The following MAPK10 variants were observed in gnomAD, a reference collection of about 807,000 sequenced individuals.
MAPK10 encodes JNK3 alpha protein kinase.
A neutral mutation model predicts 59.3 loss-of-function variants in MAPK10; 25 were observed. The observed-to-expected ratio is 0.42, with a 90% CI of 0.31 to 0.59. The LOEUF (loss-of-function observed/expected upper bound fraction) is 0.59. Among genes scored for constraint, MAPK10 ranks in the 20% least tolerant of loss-of-function variants. The pLI, the probability that MAPK10 is intolerant of heterozygous loss-of-function variation, is 0.15. For missense variants in MAPK10, 351 were observed against 568.9 expected, an observed-to-expected ratio of 0.62 and a Z score of 3.90; for synonymous variants, 190 against 200.5, an observed-to-expected ratio of 0.95 and a Z score of 0.44.
chr4:86,239,073 T>C (rs2092513683), intron 2 of MAPK10, among the ~76,000 whole-genome samples: 1 of 152,098 alleles, frequency 6.6e-6, no homozygotes, highest in Admixed American at 6.5e-5. Context: ...TTGAATTTTA[T>C]TAAAGGCCTT....
intron 10 of MAPK10, chr4:86,065,030 G>A (rs986748807): frequency 1.5e-4 from 23 of 151,852 alleles, no homozygotes; most frequent in East Asian, 1.9e-4. Flanking sequence ...CCAGCTTCCC[G>A]AGTAACTGGA....
chr4:86,448,727 C>T (rs1750346798), intron 1 of MAPK10, among the ~76,000 whole-genome samples: 1 of 152,110 alleles, frequency 6.6e-6, no homozygotes, highest in South Asian at 2.1e-4. Flanking sequence ...AGGGAGGTGG[C>T]TTCAGGATGA....
rs879407525 is a variant in MAPK10, at chr4:86,179,489, G to A, written c.66+14847C>T. Among the ~76,000 whole-genome samples, 93 of 151,368 alleles carry A rather than the reference G, an allele frequency of 6.1e-4. 1 individual carries two copies. Among genetic ancestry groups the A allele is most frequent in the Middle Eastern group, 6.8e-3 (2 of 294 alleles). On this transcript the variant is annotated intron_variant, in intron 3 of 13. Transcript: ENST00000641462. ...AAAATACCAACGACATTCTTCCCAG[G>A]AAAAAAAATCCAAAAATTTGTATGG...
chr4:86,022,127 G>C (rs1279791478), intron 13 of MAPK10, among the ~76,000 whole-genome samples: 1 of 152,246 alleles, frequency 6.6e-6, no homozygotes, highest in Non-Finnish European at 1.5e-5. Flanking sequence ...GAGGTGCCGA[G>C]AGCAAGCGAG....
rs552165161 is a variant in MAPK10 at position 86,494,620 on chromosome 4, C to A, written c.-263+99290G>T. On this transcript the variant is annotated intron_variant, in intron 1 of 4. Coordinates refer to the MAPK10 transcript ENST00000502302. Reference sequence around the variant, plus strand: ...CAGCACTTTGGGAGGCTGAGGCGGGCGGATCACGAGGTCAAGAGATTGAGA... The same window carrying A: ...CAGCACTTTGGGAGGCTGAGGCGGGAGGATCACGAGGTCAAGAGATTGAGA... Among the ~76,000 whole-genome samples, 7 of 151,758 alleles carry A rather than the reference C, an allele frequency of 4.6e-5. 1 individual carries two copies. The South Asian group carries it at 1.5e-3, about 32-fold the overall frequency.
At chr4:86,452,117 C>T (rs1750791507) in intron 1 of MAPK10, among the ~76,000 whole-genome samples, 1 of 152,180 alleles carries the variant, frequency 6.6e-6, no homozygotes, top group African/African-American at 2.4e-5. Context: ...TATCTGGCTC[C>T]AGAGTCTGCA....
chr4:86,538,987 T>G (rs1758464144), intron 1 of MAPK10, among the ~76,000 whole-genome samples: 1 of 152,212 alleles, frequency 6.6e-6, no homozygotes, highest in African/African-American at 2.4e-5. Context: ...AAAATCTTTT[T>G]TTAAAAATGC....
intron 4 of MAPK10, among the ~76,000 whole-genome samples, chr4:86,157,669 G>C (rs901805729): frequency 1.3e-5 from 2 of 151,950 alleles, no homozygotes; most frequent in African/African-American, 4.8e-5. Flanking sequence ...AAATTTTGCA[G>C]TATCTATATC....
At chr4:86,378,251 C>T (rs1450619986) in intron 1 of MAPK10, among the ~76,000 whole-genome samples, 2 of 152,172 alleles carry the variant, frequency 1.3e-5, no homozygotes, top group Non-Finnish European at 2.9e-5. Context: ...CCTTCTCTCC[C>T]TCACTGGCCT....
chr4:86,032,509 G>A (rs986119650), intron 11 of MAPK10: 2 of 152,160 alleles, frequency 1.3e-5, no homozygotes, highest in Non-Finnish European at 2.9e-5. Flanking sequence ...AACTAAAAGA[G>A]TCACTCAATA....
At chr4:86,467,095 G>A (rs1287973847) in intron 1 of MAPK10, among the ~76,000 whole-genome samples, 1 of 152,148 alleles carries the variant, frequency 6.6e-6, no homozygotes, top group Non-Finnish European at 1.5e-5. Flanking sequence ...GGAGTTTTAT[G>A]ACCCTGGCGT....
intron 9 of MAPK10, among the ~76,000 whole-genome samples, chr4:86,077,970 G>A (rs921183722): frequency 6.6e-6 from 1 of 152,152 alleles, no homozygotes; most frequent in Admixed American, 6.5e-5. Flanking sequence ...TATGCCATGT[G>A]TTAAGCATCA....
At chr4:86,572,742 G>A (rs894852807) in intron 1 of MAPK10, among the ~76,000 whole-genome samples, 6 of 152,260 alleles carry the variant, frequency 3.9e-5, no homozygotes, top group East Asian at 1.9e-4. Flanking sequence ...ATGCCAAATG[G>A]CTGTGCCATA....
chr4:86,299,484 A>T (rs1457275948), intron 2 of MAPK10, among the ~76,000 whole-genome samples: 2 of 152,176 alleles, frequency 1.3e-5, no homozygotes, highest in Non-Finnish European at 2.9e-5. Flanking sequence ...TAAAGCAAAA[A>T]GATGCCTGTC....
intron 2 of MAPK10, among the ~76,000 whole-genome samples, chr4:86,201,393 A>C (rs967860775): frequency 1.3e-5 from 2 of 151,888 alleles, no homozygotes; most frequent in Non-Finnish European, 2.9e-5. Context: ...CTAAATTTTA[A>C]TCATTTTAGG....
intron 3 of MAPK10, among the ~76,000 whole-genome samples, chr4:86,167,475 T>G (rs926364797): frequency 2.0e-5 from 3 of 152,176 alleles, no homozygotes; most frequent in African/African-American, 4.8e-5. Context: ...CTCAATAAAG[T>G]ACTGTCAAAC....
chr4:86,285,050 T>A (rs2094947949), intron 2 of MAPK10, among the ~76,000 whole-genome samples: 1 of 152,280 alleles, frequency 6.6e-6, no homozygotes, highest in South Asian at 2.1e-4. Flanking sequence ...AAATAAGCAA[T>A]CCTCATTTTT....
At chr4:86,492,768 C>A (rs1188096632) in intron 1 of MAPK10, among the ~76,000 whole-genome samples, 3 of 152,132 alleles carry the variant, frequency 2.0e-5, no homozygotes, top group Non-Finnish European at 4.4e-5. Context: ...AAAATTTGGA[C>A]TCACTGTAGG....
intron 5 of MAPK10, among the ~76,000 whole-genome samples, chr4:86,105,629 C>T (rs2056399397): frequency 6.6e-6 from 1 of 152,072 alleles, no homozygotes; most frequent in African/African-American, 2.4e-5. Context: ...TGTTATGCTC[C>T]ATCCTCCTTG....
Sources: gnomAD v4.1 joint callset for allele counts (sites outside exome capture counted in the v4.1 genomes callset) on GRCh38, gnomAD v4.1.1 for gene constraint, MANE v1.5 for transcripts, NCBI Gene and HGNC (gene_info 2026-07-23, HGNC 2026-07-21) for gene names.